Variants in ZFAND3 observed in about 807,000 individuals in gnomAD.
ZFAND3 encodes zinc finger AN1-type containing 3.
In ZFAND3, 10 loss-of-function variants were observed where a neutral mutation model predicts 29.6. The observed-to-expected ratio is 0.34, with a 90% CI of 0.21 to 0.57. ZFAND3 has a LOEUF of 0.57. Among genes scored for constraint, ZFAND3 ranks in the 20% least tolerant of loss-of-function variants. The pLI, the probability that ZFAND3 is intolerant of heterozygous loss-of-function variation, is 0.86. For missense variants in ZFAND3, 230 were observed against 304.5 expected (o/e 0.76, Z 1.82); for synonymous variants, 128 against 112.6 (o/e 1.14, Z -0.87).
chr6:38,103,989 G>C (rs1159274086), intron 4 of ZFAND3, among the ~76,000 whole-genome samples: 1 of 152,208 alleles, frequency 6.6e-6, no homozygotes, highest in African/African-American at 2.4e-5. Context: ...AATGAGAACT[G>C]AAAACTTTAT....
chr6:38,052,949 G>A (rs566292559), intron 2 of ZFAND3, among the ~76,000 whole-genome samples: 1 of 151,814 alleles, frequency 6.6e-6, no homozygotes, highest in South Asian at 2.1e-4. Flanking sequence ...CAGGAGAATT[G>A]CTCGAACCCG....
intron 2 of ZFAND3, among the ~76,000 whole-genome samples, chr6:37,985,120 G>A (rs1762644118): frequency 6.6e-6 from 1 of 152,102 alleles, no homozygotes; most frequent in South Asian, 2.1e-4. Context: ...CATCAGGTAT[G>A]TAAGGCACTA....
intron 2 of ZFAND3, among the ~76,000 whole-genome samples, chr6:37,930,796 A>G (rs747252791): frequency 1.3e-5 from 2 of 152,188 alleles, no homozygotes; most frequent in Non-Finnish European, 2.9e-5. Flanking sequence ...GCTAATTAGG[A>G]TATGTTTAAC....
At chr6:38,059,277 A>G (rs1764190629) in intron 2 of ZFAND3, among the ~76,000 whole-genome samples, 1 of 152,212 alleles carries the variant, frequency 6.6e-6, no homozygotes, top group African/African-American at 2.4e-5. Flanking sequence ...AATTATTATC[A>G]TTCATGTATC....
intron 2 of ZFAND3, among the ~76,000 whole-genome samples, chr6:37,994,582 T>C (rs1762817018): frequency 1.3e-5 from 2 of 152,194 alleles, no homozygotes; most frequent in Admixed American, 1.3e-4. Context: ...GGGTAGCTCT[T>C]TACTTCTTCA....
chr6:37,983,590 C>G (rs753073577), intron 2 of ZFAND3, among the ~76,000 whole-genome samples: 11 of 152,168 alleles, frequency 7.2e-5, no homozygotes, highest in Non-Finnish European at 1.0e-4. Context: ...AACTCCCGAC[C>G]TCAGGTGATC....
At chr6:37,955,645 T>C (rs998268452) in intron 2 of ZFAND3, among the ~76,000 whole-genome samples, 1 of 152,164 alleles carries the variant, frequency 6.6e-6, no homozygotes, top group Non-Finnish European at 1.5e-5. Context: ...GGCTCTGAAA[T>C]AGGGAATTAA....
intron 2 of ZFAND3, among the ~76,000 whole-genome samples, chr6:38,036,013 G>A (rs1763650722): frequency 6.6e-6 from 1 of 152,164 alleles, no homozygotes; most frequent in African/African-American, 2.4e-5. Flanking sequence ...TCCATGTTAT[G>A]GAAAGTCTCC....
At chr6:37,850,420 A>G (rs981051593) in intron 1 of ZFAND3, among the ~76,000 whole-genome samples, 1 of 152,214 alleles carries the variant, frequency 6.6e-6, no homozygotes, top group Non-Finnish European at 1.5e-5. Flanking sequence ...CACTGCCCTC[A>G]TGTATCCTGC....
At chr6:37,899,940 A>G (rs1283054322) in intron 1 of ZFAND3, among the ~76,000 whole-genome samples, 1 of 152,186 alleles carries the variant, frequency 6.6e-6, no homozygotes, top group African/African-American at 2.4e-5. Flanking sequence ...TGTACTATAC[A>G]TACTATTCAG....
At position 38,028,642 on chromosome 6, in the gene ZFAND3, G is replaced by GGCACT. The variant is rs1342933222; in HGVS notation, c.113-32951_113-32950insGCACT. Among the ~76,000 whole-genome samples, 120 of 152,284 alleles carry GGCACT rather than the reference G, an allele frequency of 7.9e-4. 1 individual carries two copies. The East Asian group carries it at 0.018, about 23-fold the overall frequency. ...CTGCCTGACCTAGGGTACTATTGTA[G>GGCACT]TAAAGAATCCACTTAACTCTCCTTT... On this transcript the variant is annotated intron_variant, in intron 2 of 5. Transcript: ENST00000287218.
chr6:38,014,195 CTT>C (rs1309111880), intron 2 of ZFAND3, among the ~76,000 whole-genome samples: 1 of 151,924 alleles, frequency 6.6e-6, no homozygotes, highest in East Asian at 1.9e-4. Context: ...AGTCGTGCAA[CTT>C]TTTTGTAAGT....
chr6:38,137,013 A>G (rs1422845803), intron 5 of ZFAND3, among the ~76,000 whole-genome samples: 6 of 152,250 alleles, frequency 3.9e-5, no homozygotes. Flanking sequence ...TAACTGACCA[A>G]AATACCAGGG....
At chr6:37,990,762 A>G (rs1056494889) in intron 2 of ZFAND3, among the ~76,000 whole-genome samples, 1 of 152,244 alleles carries the variant, frequency 6.6e-6, no homozygotes, top group African/African-American at 2.4e-5. Context: ...CAGACCAGTC[A>G]CATTTTAAGT....
chr6:38,088,361 T>C (rs1490597811), intron 4 of ZFAND3: 2 of 152,078 alleles, frequency 1.3e-5, no homozygotes, highest in Admixed American at 6.6e-5. Context: ...CTCATGGACA[T>C]AAAAAGTAGA....
At chr6:38,076,074 T>G (rs541319334) in intron 3 of ZFAND3, among the ~76,000 whole-genome samples, 1 of 152,144 alleles carries the variant, frequency 6.6e-6, no homozygotes, top group South Asian at 2.1e-4. Context: ...TTTAAGAAAT[T>G]GCTGCACCTA....
chr6:37,870,702 G>A (rs1415739332), intron 1 of ZFAND3, among the ~76,000 whole-genome samples: 2 of 151,730 alleles, frequency 1.3e-5, no homozygotes, highest in Non-Finnish European at 2.9e-5. Flanking sequence ...GTGAATGAAT[G>A]AGACAGGGTC....
intron 2 of ZFAND3, among the ~76,000 whole-genome samples, chr6:38,034,882 T>C (rs1425874053): frequency 1.3e-5 from 2 of 152,182 alleles, no homozygotes; most frequent in Non-Finnish European, 2.9e-5. Context: ...AAAAGGGTTT[T>C]ATTTTTATTT....
At chr6:38,054,218 CAAAAAA>C (rs34198332) in intron 2 of ZFAND3, among the ~76,000 whole-genome samples, 6 of 112,032 alleles carry the variant, frequency 5.4e-5, no homozygotes, top group East Asian at 2.7e-4. Context: ...CCATCTCTAT[CAAAAAA>C]AAAAAAAAAA....
Sources: allele counts gnomAD v4.1 joint callset (sites outside exome capture counted in the v4.1 genomes callset), GRCh38; gene constraint gnomAD v4.1.1; transcripts MANE v1.5; gene names NCBI Gene and HGNC (gene_info 2026-07-23, HGNC 2026-07-21).